Variants in REV1 observed in about 807,000 individuals in gnomAD.
REV1 encodes REV1 DNA directed polymerase, also known as translesion synthesis protein REV1.
REV1 carries 42 observed loss-of-function variants against 137.4 expected under a neutral mutation model. The ratio of observed to expected loss-of-function variants is 0.31; its 90% CI spans 0.24 to 0.40. The LOEUF (loss-of-function observed/expected upper bound fraction) is 0.40. Ranked by LOEUF, REV1 falls within the 10% of genes least tolerant of loss-of-function variation. REV1 has a pLI of 1.00. For missense variants in REV1, 1,282 were observed against 1,490.1 expected, an observed-to-expected ratio of 0.86 and a Z score of 2.30; for synonymous variants, 524 against 519.2, an observed-to-expected ratio of 1.01 and a Z score of -0.12.
In REV1 at chr2:99,439,001, G is replaced by T. The variant is rs746082931; in HGVS notation, c.813C>A (p.Phe271Leu). 141 of 1,614,198 alleles carry T rather than the reference G, an allele frequency of 8.7e-5. No individual in the cohort carries two copies. The South Asian group carries it at 1.5e-3, about 17-fold the overall frequency. The change falls in exon 6 of 23, where the codon TTC becomes TTA. Residue 271 changes from phenylalanine to leucine, a missense_variant. Coordinates refer to ENST00000258428, the MANE Select transcript of REV1 (RefSeq NM_016316.4). ...EDKAEKSSTD[F>L]RDCTLQQLQQ... The stretch of plus-strand genomic sequence containing the variant: ...GCAACTGCTGCAGAGTGCAGTCTCT[G>T]AAATCAGTGCTGCTCTTCTCAGCCT...
intron 4 of REV1, among the ~76,000 whole-genome samples, chr2:99,448,929 T>C (rs980397369): frequency 5.3e-5 from 8 of 152,206 alleles, no homozygotes; most frequent in African/African-American, 1.9e-4. Flanking sequence ...TAAACGGTAG[T>C]GTTGTTTAAG....
At chr2:99,441,550 T>C (rs1050648542) in intron 5 of REV1, among the ~76,000 whole-genome samples, 2 of 152,134 alleles carry the variant, frequency 1.3e-5, no homozygotes, top group African/African-American at 4.8e-5. Context: ...CTTCCATTTA[T>C]ATATTTACAT....
intron 8 of REV1, 60 bp downstream of exon 8, chr2:99,434,272 T>A: frequency 9.1e-7 from 1 of 1,095,844 alleles, no homozygotes. Flanking sequence ...CCATGCCAAA[T>A]AGCAAAATCC....
rs932762155 is a variant in REV1 at position 99,406,181 on chromosome 2, TA to T, written c.2615-76del. The T allele has an allele frequency of 7.9e-6, 11 of 1,399,322 alleles. No individual in the cohort carries two copies. The African/African-American group carries it at 1.5e-4, about 19-fold the overall frequency. The allele number at this position is 1,399,322 out of a possible 1,614,324, so 86.7% of individuals were successfully genotyped here. ...CCTTTAATCCTCTGTCCATTACAAATAAAAAAACTTTATTACTGATTCATCA... is the reference window on the plus strand; with the variant it reads ...CCTTTAATCCTCTGTCCATTACAAATAAAAAACTTTATTACTGATTCATCA... On this transcript the variant is annotated intron_variant, in intron 16 of 22. Coordinates refer to ENST00000258428, the MANE Select transcript of REV1 (RefSeq NM_016316.4).
chr2:99,421,702 G>T, intron 10 of REV1, 49 bp from the exon 11 acceptor site: 1 of 1,571,426 alleles, frequency 6.4e-7, no homozygotes, highest in Non-Finnish European at 8.6e-7. Flanking sequence ...GCCACCATCT[G>T]GTAGACCCAA....
intron 12 of REV1, among the ~76,000 whole-genome samples, chr2:99,415,655 CTTTAA>C (rs1677755258): frequency 1.3e-5 from 2 of 152,206 alleles, no homozygotes; most frequent in South Asian, 2.1e-4. Context: ...TTTTATTTAA[CTTTAA>C]TTTAACTCAT....
intron 7 of REV1, 87 bp downstream of exon 7, chr2:99,435,747 T>C (rs975441418): frequency 2.9e-6 from 2 of 699,850 alleles, no homozygotes; most frequent in South Asian, 2.4e-5. Flanking sequence ...AAAATCATAA[T>C]TTTTTAAAAA....
intron 14 of REV1, among the ~76,000 whole-genome samples, chr2:99,409,857 C>A (rs1264526413): frequency 1.8e-5 from 2 of 110,662 alleles, no homozygotes; most frequent in South Asian, 3.6e-4. Context: ...CAAACAACCC[C>A]CCCCCCCCCC....
At chr2:99,430,779 T>A (rs1451997738) in intron 8 of REV1, among the ~76,000 whole-genome samples, 2 of 152,122 alleles carry the variant, frequency 1.3e-5, no homozygotes, top group Non-Finnish European at 2.9e-5. Context: ...TCACTAGTAA[T>A]TGAGAAATAA....
rs148421640 is a variant in REV1, at chr2:99,442,912, T to C, written c.351-443A>G. Among the ~76,000 whole-genome samples the C allele has an allele frequency of 2.0e-3, 306 of 152,296 alleles. 2 individuals are homozygous for C. Among genetic ancestry groups the C allele is most frequent in the Non-Finnish European group, 6.0e-4 (41 of 68,026 alleles). ...CTATTTTTATGTATACAAGAATGGTTAAGAGCCAAGGCCATTTGAAGATAT... is the reference window on the plus strand; with the variant it reads ...CTATTTTTATGTATACAAGAATGGTCAAGAGCCAAGGCCATTTGAAGATAT... On this transcript the variant is annotated intron_variant, in intron 4 of 22. Transcript: ENST00000258428.
chr2:99,404,394 G>A (rs547527578), intron 18 of REV1, 50 bp downstream of exon 18: 20 of 1,480,484 alleles, frequency 1.4e-5, no homozygotes, highest in Non-Finnish European at 1.8e-5. Flanking sequence ...GTTGGAGCAG[G>A]GGGGTGAGAA....
chr2:99,453,892 CAA>C (rs58291328), intron 3 of REV1, among the ~76,000 whole-genome samples: 4 of 48,014 alleles, frequency 8.3e-5, no homozygotes, highest in Admixed American at 2.6e-4. Flanking sequence ...GGCTCTGTCT[CAA>C]AAAAAAAAAA....
intron 11 of REV1, among the ~76,000 whole-genome samples, chr2:99,421,231 A>G (rs1048460953): frequency 4.2e-4 from 59 of 139,752 alleles, no homozygotes; most frequent in African/African-American, 1.1e-3. Context: ...CACTTTTGGG[A>G]AAAAAAAAAC....
chr2:99,487,434 C>T lies in REV1; in HGVS notation c.-11+2383G>A, dbSNP rs1421402331. Among the ~76,000 whole-genome samples the T allele has an allele frequency of 4.2e-5, 5 of 118,516 alleles. 2 individuals carry two copies. The highest frequency in any genetic ancestry group is 1.5e-4 in the African/African-American group (5 of 33,066). The allele number at this position is 118,516 out of a possible 152,430, so 77.8% of individuals were successfully genotyped here. ...TAAACCAGTAAAGGCACTATGGAAA[C>T]ACTCCAACCAAGAGATAATGGAACT... is the stretch of plus-strand genomic sequence containing the variant. On this transcript the variant is annotated intron_variant, in intron 1 of 22. Transcript: ENST00000258428.
At chr2:99,470,447 T>G (rs1331516679) in intron 1 of REV1, among the ~76,000 whole-genome samples, 1 of 152,186 alleles carries the variant, frequency 6.6e-6, no homozygotes, top group Non-Finnish European at 1.5e-5. Flanking sequence ...GAAGCAAAAT[T>G]TATTCAAAGA....
At chr2:99,435,369 AGAC>A (rs1218948296) in intron 7 of REV1, 6 of 152,626 alleles carry the variant, frequency 3.9e-5, no homozygotes, top group Admixed American at 3.3e-4. Flanking sequence ...AAGACTGTCC[AGAC>A]GACTTAACAC....
intron 1 of REV1, among the ~76,000 whole-genome samples, chr2:99,489,495 G>C (rs1037554132): frequency 9.5e-4 from 131 of 138,170 alleles, no homozygotes; most frequent in Non-Finnish European, 1.8e-3. Context: ...GGAGGGAAGG[G>C]CCGCTGCGCC....
chr2:99,411,223 G>A (rs1677094332), intron 13 of REV1, among the ~76,000 whole-genome samples: 1 of 152,030 alleles, frequency 6.6e-6, no homozygotes, highest in Non-Finnish European at 1.5e-5. Context: ...AGGAGACGGA[G>A]GTTGCAGTGA....
At chr2:99,463,550 G>T (rs539788412) in intron 2 of REV1, among the ~76,000 whole-genome samples, 34 of 152,290 alleles carry the variant, frequency 2.2e-4, no homozygotes, top group Non-Finnish European at 4.9e-4. Context: ...ACAAAATATT[G>T]TTCTTATGTA....
Sources: gnomAD v4.1 joint callset for allele counts (sites outside exome capture counted in the v4.1 genomes callset) on GRCh38, gnomAD v4.1.1 for gene constraint, MANE v1.5 for transcripts, NCBI Gene and HGNC (gene_info 2026-07-23, HGNC 2026-07-21) for gene names.